SPOCK1: variants seen among roughly 807,000 people sequenced by gnomAD.
The protein encoded by SPOCK1 is SPARC (osteonectin), cwcv and kazal like domains proteoglycan 1.
A neutral mutation model predicts 55.3 loss-of-function variants in SPOCK1; 23 were observed. That is an observed-to-expected ratio of 0.42 (90% CI 0.30 to 0.59). The LOEUF is 0.59. Ranked by LOEUF, SPOCK1 falls within the 20% of genes least tolerant of loss-of-function variation. SPOCK1 has a pLI of 0.22. For synonymous variants in SPOCK1, 226 were observed against 221.0 expected (o/e 1.02, Z -0.20); for missense variants, 499 against 552.5 (o/e 0.90, Z 0.97).
At chr5:137,145,066 T>G (rs1264386199) in intron 3 of SPOCK1, among the ~76,000 whole-genome samples, 4 of 152,086 alleles carry the variant, frequency 2.6e-5, no homozygotes, top group African/African-American at 7.2e-5. Flanking sequence ...CAAAGGTTAA[T>G]TTTATCTTTC....
At chr5:137,259,019 C>CT (rs1348430939) in intron 3 of SPOCK1, among the ~76,000 whole-genome samples, 1 of 152,150 alleles carries the variant, frequency 6.6e-6, no homozygotes, top group Admixed American at 6.5e-5. Flanking sequence ...ACAGAACTGA[C>CT]TGAGCAGGAA....
At chr5:137,440,086 G>GA (rs1375357788) in intron 2 of SPOCK1, among the ~76,000 whole-genome samples, 2 of 151,222 alleles carry the variant, frequency 1.3e-5, no homozygotes, top group African/African-American at 4.9e-5. Context: ...CTGCAGGGAG[G>GA]GGGAAAAATC....
chr5:137,327,639 T>C (rs546964260), intron 2 of SPOCK1, among the ~76,000 whole-genome samples: 1 of 152,330 alleles, frequency 6.6e-6, no homozygotes, highest in African/African-American at 2.4e-5. Flanking sequence ...TCTTGAAACA[T>C]AGACTTAATT....
intron 3 of SPOCK1, among the ~76,000 whole-genome samples, chr5:137,184,515 T>G (rs1278125738): frequency 6.6e-6 from 1 of 152,198 alleles, no homozygotes; most frequent in Non-Finnish European, 1.5e-5. Flanking sequence ...CTCCCTAAGC[T>G]GCTGGGCAAG....
chr5:136,989,378 C>A (rs1212920418), intron 7 of SPOCK1, among the ~76,000 whole-genome samples: 2 of 152,224 alleles, frequency 1.3e-5, no homozygotes, highest in Non-Finnish European at 2.9e-5. Flanking sequence ...CTACTGTAGA[C>A]ATGTCCCAGA....
chr5:136,988,691 C>T, intron 7 of SPOCK1, 48 bp from the exon 8 acceptor site: 1 of 1,542,674 alleles, frequency 6.5e-7, no homozygotes, highest in African/African-American at 1.4e-5. Context: ...CTGATGCTTT[C>T]CTCCCTGCTC....
intron 6 of SPOCK1, among the ~76,000 whole-genome samples, chr5:137,033,022 T>C (rs1000805286): frequency 1.4e-4 from 22 of 152,114 alleles, no homozygotes; most frequent in African/African-American, 5.3e-4. Flanking sequence ...GCCCGCTAAA[T>C]GGCTGGGGAT....
intron 3 of SPOCK1, among the ~76,000 whole-genome samples, chr5:137,244,368 C>T (rs778469065): frequency 6.6e-5 from 10 of 152,114 alleles, no homozygotes; most frequent in African/African-American, 9.7e-5. Flanking sequence ...GAGCCTGTTG[C>T]TTCCACTATG....
In SPOCK1 at chr5:137,417,913, C is replaced by A. The variant is rs146162251; in HGVS notation, c.186+80460G>T. 8.6e-3 allele frequency among the ~76,000 whole-genome samples: 1,309 copies of A among 152,268 alleles called. 13 individuals carry two copies. Among genetic ancestry groups the A allele is most frequent in the African/African-American group, 0.029 (1,223 of 41,544 alleles). On this transcript the variant is annotated intron_variant, in intron 2 of 10. Coordinates refer to ENST00000394945, the MANE Select transcript of SPOCK1 (RefSeq NM_004598.4). ...TGGTGTGCTGCACCCATTAACTTGT[C>A]ATTTAACATTAGGTATATCTCCTAA...
At chr5:137,172,046 T>G (rs1184782507) in intron 3 of SPOCK1, among the ~76,000 whole-genome samples, 2 of 152,144 alleles carry the variant, frequency 1.3e-5, no homozygotes, top group African/African-American at 4.8e-5. Context: ...TTCACTTGAG[T>G]GAAATAGCTT....
chr5:137,166,421 G>A (rs1009932463), intron 3 of SPOCK1, among the ~76,000 whole-genome samples: 1 of 151,048 alleles, frequency 6.6e-6, no homozygotes, highest in African/African-American at 2.4e-5. Flanking sequence ...ATGCTAAAGG[G>A]AGTACTTCAA....
At chr5:137,088,532 TGAGA>T (rs1345804366) in intron 5 of SPOCK1, among the ~76,000 whole-genome samples, 2 of 152,164 alleles carry the variant, frequency 1.3e-5, no homozygotes, top group Non-Finnish European at 2.9e-5. Context: ...TATCAATCTC[TGAGA>T]GAAAGTTTGC....
At chr5:137,474,297 C>A (rs1160346528) in intron 2 of SPOCK1, among the ~76,000 whole-genome samples, 1 of 152,018 alleles carries the variant, frequency 6.6e-6, no homozygotes, top group African/African-American at 2.4e-5. Context: ...ACGGTAATTC[C>A]TAGACTCTTG....
intron 3 of SPOCK1, among the ~76,000 whole-genome samples, chr5:137,224,190 A>G (rs1755906974): frequency 6.6e-6 from 1 of 152,234 alleles, no homozygotes; most frequent in Admixed American, 6.5e-5. Context: ...AATTAACAAG[A>G]AAAGCTCTCA....
At position 136,978,317 on chromosome 5, in the gene SPOCK1, A is replaced by G. The variant is rs971206660; in HGVS notation, c.*337T>C. 6.2e-6 allele frequency: 2 copies of G among 324,090 alleles called. No individual in the cohort carries two copies. The highest frequency in any genetic ancestry group is 1.1e-5 in the Non-Finnish European group (2 of 179,922). The allele number at this position is 324,090 out of a possible 1,614,324, so 20.1% of individuals were successfully genotyped here. On this transcript the variant is annotated 3_prime_UTR_variant, in exon 11 of 11. Coordinates refer to ENST00000394945, the MANE Select transcript of SPOCK1 (RefSeq NM_004598.4). ...AATCAAAAAGGGTCTTTGACATTTAAGAGGGTTGGGGCTCCCTGCACTGTC... is the reference window on the plus strand; with the variant it reads ...AATCAAAAAGGGTCTTTGACATTTAGGAGGGTTGGGGCTCCCTGCACTGTC...
rs1386256769 is a variant in SPOCK1 at position 137,198,082 on chromosome 5, T to C, written c.233-57388A>G. Among the ~76,000 whole-genome samples, 12 of 152,236 alleles carry C rather than the reference T, an allele frequency of 7.9e-5. 2 individuals carry two copies. ...TTTCTGTTATGAAATTGGGGTCATGTGATATAAACTTTGTCATATTCTGAC... is the reference window on the plus strand; with the variant it reads ...TTTCTGTTATGAAATTGGGGTCATGCGATATAAACTTTGTCATATTCTGAC... On this transcript the variant is annotated intron_variant, in intron 3 of 10. Coordinates refer to ENST00000394945, the MANE Select transcript of SPOCK1 (RefSeq NM_004598.4).
rs115073708 is a variant in SPOCK1, at chr5:137,044,209, C to A, written c.589+23506G>T. Among the ~76,000 whole-genome samples, 1,108 of 152,232 alleles carry A rather than the reference C, an allele frequency of 7.3e-3. 8 individuals are homozygous for A. The highest frequency in any genetic ancestry group is 0.025 in the African/African-American group (1,052 of 41,530). ...AGTGAGGAGAGTTGTCTCTAAGTGACGCATCAGGAGTTCACCAGACCAATC... is the reference window on the plus strand; with the variant it reads ...AGTGAGGAGAGTTGTCTCTAAGTGAAGCATCAGGAGTTCACCAGACCAATC... On this transcript the variant is annotated intron_variant, in intron 6 of 10. Transcript: ENST00000394945.
intron 2 of SPOCK1, among the ~76,000 whole-genome samples, chr5:137,283,466 C>T (rs1410164117): frequency 1.3e-5 from 2 of 152,188 alleles, no homozygotes; most frequent in East Asian, 3.9e-4. Context: ...GTAATCCCAG[C>T]ACTATGGGAG....
intron 6 of SPOCK1, among the ~76,000 whole-genome samples, chr5:137,028,810 G>C (rs17599781): frequency 0.093 from 14,090 of 152,068 alleles, 841 homozygotes; most frequent in Non-Finnish European, 0.12. Context: ...TCCAGACAAT[G>C]TGTCAAATAG....
Sources: gnomAD v4.1 joint callset for allele counts (sites outside exome capture counted in the v4.1 genomes callset) on GRCh38, gnomAD v4.1.1 for gene constraint, MANE v1.5 for transcripts, NCBI Gene and HGNC (gene_info 2026-07-23, HGNC 2026-07-21) for gene names.